The following HPCAL1 variants were observed in gnomAD, a reference collection of about 807,000 sequenced individuals.
The protein encoded by HPCAL1 is hippocalcin-like protein 1.
Under a neutral mutation model 17.1 loss-of-function variants are expected in HPCAL1, and 8 were observed. That is an observed-to-expected ratio of 0.47 (90% CI 0.27 to 0.84). The LOEUF is 0.84. Among genes scored for constraint, HPCAL1 ranks in the 40% least tolerant of loss-of-function variants. The pLI, the probability that HPCAL1 is intolerant of heterozygous loss-of-function variation, is 0.13. For missense variants in HPCAL1, 165 were observed against 271.1 expected (o/e 0.61, Z 2.75); for synonymous variants, 112 against 111.4 (o/e 1.01, Z -0.03).
intron 4 of HPCAL1, chr2:10,425,599 G>A (rs1045438452): frequency 2.0e-5 from 3 of 152,300 alleles, no homozygotes; most frequent in East Asian, 1.9e-4. Flanking sequence ...CCTTTGAGAT[G>A]GGTGTTCCCA....
Position 10,394,866 on chromosome 2 carries a change from G to C in HPCAL1, c.-110-1969G>C, listed in dbSNP as rs2125570349. Reference sequence around the variant, plus strand: ...GCTGGAGTGCAGTGGTGTGATCTCGGCTCACTGCAACCTCAGCCTTCTGGG... The same window carrying C: ...GCTGGAGTGCAGTGGTGTGATCTCGCCTCACTGCAACCTCAGCCTTCTGGG... On this transcript the variant is annotated intron_variant, in intron 1 of 4. Coordinates refer to ENST00000307845, the MANE Select transcript of HPCAL1 (RefSeq NM_002149.4). The surrounding 1 kb of genome is among the most constrained non-coding windows in gnomAD (Gnocchi z 5.0). Among the ~76,000 whole-genome samples the C allele has an allele frequency of 6.6e-6, 1 of 152,020 alleles. No homozygotes were observed. The highest frequency in any genetic ancestry group is 6.5e-5 in the Admixed American group (1 of 15,280).
rs550046181 is a variant in HPCAL1, at chr2:10,422,911, G to A, written c.379-72G>A. The A allele has an allele frequency of 2.4e-3, 2,570 of 1,086,104 alleles. 15 individuals carry two copies. The highest frequency in any genetic ancestry group is 0.017 in the African/African-American group (1,092 of 64,808). The allele number at this position is 1,086,104 out of a possible 1,614,324, so 67.3% of individuals were successfully genotyped here. A position where few individuals can be genotyped will look rare whatever the true frequency, so the allele number is the denominator to read the frequency against. ...CTCCGAGCCTTGTTGTGGGCTGGGC[G>A]GAAGCCCACCCTTGCTGCACCCGCC... On this transcript the variant is annotated intron_variant, in intron 3 of 4. Transcript: ENST00000307845.
Position 10,318,924 on chromosome 2 carries a change from G to A in HPCAL1, c.-111+15747G>A, listed in dbSNP as rs561869331. Among the ~76,000 whole-genome samples the A allele has an allele frequency of 2.3e-3, 350 of 152,284 alleles. 2 individuals carry two copies. Among genetic ancestry groups the A allele is most frequent in the Non-Finnish European group, 4.1e-3 (277 of 68,018 alleles). ...CCATGCCAGCCCTTGGGTCTGCCGG[G>A]ACCACTGCCATGCTTTTGATGGACA... On this transcript the variant is annotated intron_variant, in intron 1 of 4. Coordinates refer to ENST00000307845, the MANE Select transcript of HPCAL1 (RefSeq NM_002149.4).
chr2:10,389,172 T>A (rs1426380219), intron 1 of HPCAL1, among the ~76,000 whole-genome samples: 1 of 152,154 alleles, frequency 6.6e-6, no homozygotes, highest in Non-Finnish European at 1.5e-5. Context: ...CTCCTTTCCG[T>A]GGCAATCATC....
At chr2:10,317,811 C>T (rs1299182344) in intron 1 of HPCAL1, among the ~76,000 whole-genome samples, 2 of 152,184 alleles carry the variant, frequency 1.3e-5, no homozygotes, top group Non-Finnish European at 2.9e-5. Context: ...CCTGGCGGAG[C>T]TTGTATTAGG....
intron 1 of HPCAL1, among the ~76,000 whole-genome samples, chr2:10,392,051 G>C (rs1302012424): frequency 1.3e-5 from 2 of 151,566 alleles, no homozygotes; most frequent in African/African-American, 4.9e-5. Context: ...CCAGGCTGTT[G>C]TTGTTTTTTA....
At chr2:10,397,607 C>T (rs766176217) in intron 2 of HPCAL1, among the ~76,000 whole-genome samples, 6 of 152,182 alleles carry the variant, frequency 3.9e-5, no homozygotes, top group African/African-American at 9.7e-5. Context: ...GGCCACTGGT[C>T]GCCTCTCCCC....
At chr2:10,375,262 C>T (rs542423426) in intron 1 of HPCAL1, among the ~76,000 whole-genome samples, 166 of 152,332 alleles carry the variant, frequency 1.1e-3, no homozygotes, top group African/African-American at 3.6e-3. Flanking sequence ...TACTATTTTA[C>T]AACCTGTTTT....
intron 1 of HPCAL1, among the ~76,000 whole-genome samples, chr2:10,312,498 G>A (rs1200815635): frequency 2.2e-5 from 3 of 138,520 alleles, no homozygotes; most frequent in Non-Finnish European, 4.6e-5. Context: ...ACCATTCACC[G>A]TCACTATCAT....
intron 1 of HPCAL1, among the ~76,000 whole-genome samples, chr2:10,332,813 A>T (rs528909858): frequency 6.6e-6 from 1 of 152,208 alleles, no homozygotes; most frequent in South Asian, 2.1e-4. Flanking sequence ...GGGGATGAGG[A>T]CTGATTGGAT....
rs1290769735 is a variant in HPCAL1, at chr2:10,399,524, C to T, written c.-25+2604C>T. ...CCATCACCACCACCGCCGCCACCAC[C>T]GCCACTGCCACCGCCACCATCACCG... On this transcript the variant is annotated intron_variant, in intron 2 of 4. Transcript: ENST00000307845. 4.9e-5 allele frequency among the ~76,000 whole-genome samples: 6 copies of T among 123,646 alleles called. 1 individual carries two copies. The highest frequency in any genetic ancestry group is 8.3e-5 in the Non-Finnish European group (5 of 60,310). The allele number at this position is 123,646 out of a possible 152,430, so 81.1% of individuals were successfully genotyped here. A position where few individuals can be genotyped will look rare whatever the true frequency, so the allele number is the denominator to read the frequency against.
chr2:10,397,063 G>A (rs13400395), intron 2 of HPCAL1, 143 bp downstream of exon 2: 2 of 152,248 alleles, frequency 1.3e-5, no homozygotes, highest in African/African-American at 2.4e-5. Context: ...GACTGGGCGT[G>A]GGGGGCAGCC....
At position 10,373,881 on chromosome 2, in the gene HPCAL1, G is replaced by C. The variant is rs563147794; in HGVS notation, c.-110-22954G>C. Among the ~76,000 whole-genome samples the C allele has an allele frequency of 5.3e-5, 8 of 152,340 alleles. No individual in the cohort carries two copies. In the South Asian group the frequency reaches 1.7e-3, roughly 32 times the overall value. ...CAAATCTTTGGAACTCAGGGTCTTT[G>C]GGAACTTCTGGGCCAGACAACCCGG... On this transcript the variant is annotated intron_variant, in intron 1 of 4. Coordinates refer to ENST00000307845, the MANE Select transcript of HPCAL1 (RefSeq NM_002149.4).
intron 1 of HPCAL1, among the ~76,000 whole-genome samples, chr2:10,387,859 G>T (rs1668416784): frequency 6.6e-6 from 1 of 152,190 alleles, no homozygotes; most frequent in Non-Finnish European, 1.5e-5. Flanking sequence ...ACGATGGAAG[G>T]GTTGGGCAAG....
intron 1 of HPCAL1, among the ~76,000 whole-genome samples, chr2:10,312,754 C>T (rs1184629824): frequency 6.6e-6 from 1 of 152,052 alleles, no homozygotes; most frequent in Non-Finnish European, 1.5e-5. Flanking sequence ...CATTCACCAT[C>T]ACTGTCATCA....
At chr2:10,405,385 C>T (rs1572835676) in intron 2 of HPCAL1, among the ~76,000 whole-genome samples, 1 of 152,240 alleles carries the variant, frequency 6.6e-6, no homozygotes. Context: ...GGGCATGGCT[C>T]CAAGACCCTG....
intron 1 of HPCAL1, among the ~76,000 whole-genome samples, chr2:10,387,972 G>A (rs1026281717): frequency 3.3e-5 from 5 of 152,146 alleles, no homozygotes; most frequent in Non-Finnish European, 7.3e-5. Context: ...CAGGTGAATG[G>A]CCATGCAGGG....
intron 2 of HPCAL1, among the ~76,000 whole-genome samples, chr2:10,399,584 C>T (rs113808235): frequency 0.029 from 4,075 of 141,120 alleles, 181 homozygotes; most frequent in African/African-American, 0.07. Context: ...CCACCGCCAC[C>T]GCCACCGCCA....
chr2:10,392,983 G>A (rs1668803359), intron 1 of HPCAL1, among the ~76,000 whole-genome samples: 1 of 152,208 alleles, frequency 6.6e-6, no homozygotes, highest in Non-Finnish European at 1.5e-5. Context: ...CAGCCAAAGG[G>A]CAGCACAGAG....
Sources: gnomAD v4.1 joint callset for allele counts (sites outside exome capture counted in the v4.1 genomes callset) on GRCh38, gnomAD v4.1.1 for gene constraint, Gnocchi (gnomAD v3.1) non-coding constraint, MANE v1.5 for transcripts, NCBI Gene and HGNC (gene_info 2026-07-23, HGNC 2026-07-21) for gene names.